ZBTB20: variants seen among roughly 807,000 people sequenced by gnomAD.
ZBTB20 encodes the protein zinc finger and BTB domain containing 20, also known as zinc finger and BTB domain-containing protein 20.
Under a neutral mutation model 56.9 loss-of-function variants are expected in ZBTB20, and 9 were observed. The observed-to-expected ratio is 0.16, with a 90% CI of 0.10 to 0.28. The LOEUF (loss-of-function observed/expected upper bound fraction) is 0.28, where lower values mean the gene tolerates loss of function less well. ZBTB20 is among the 10% of genes least tolerant of loss of function. The pLI, the probability that ZBTB20 is intolerant of heterozygous loss-of-function variation, is 1.00. For missense variants in ZBTB20, 655 were observed against 1,003.0 expected, an observed-to-expected ratio of 0.65 and a Z score of 4.69; for synonymous variants, 417 against 420.7, an observed-to-expected ratio of 0.99 and a Z score of 0.11.
intron 1 of ZBTB20, among the ~76,000 whole-genome samples, chr3:115,099,343 A>G (rs1357179854): frequency 6.6e-6 from 1 of 152,194 alleles, no homozygotes; most frequent in Non-Finnish European, 1.5e-5. Flanking sequence ...CTCCCCAAGC[A>G]TAAATAAACA....
intron 2 of ZBTB20, among the ~76,000 whole-genome samples, chr3:115,005,813 C>T (rs375734714): frequency 2.3e-4 from 35 of 151,858 alleles, no homozygotes; most frequent in African/African-American, 8.0e-4. Flanking sequence ...AATTCCAATC[C>T]ATTCTGCACC....
rs575303830 is a variant in ZBTB20, at chr3:114,790,581, A to C, written c.-343+10520T>G. ...ATATGCATGTAGTCCAATTCAAGAA[A>C]TCAGTATACTTTTTTTTTTTTTTTT... On this transcript the variant is annotated intron_variant, in intron 5 of 11. Coordinates refer to ENST00000675478, the MANE Select transcript of ZBTB20 (RefSeq NM_001348800.3). 3.7e-4 allele frequency among the ~76,000 whole-genome samples: 57 copies of C among 152,058 alleles called. 1 individual carries two copies. In the South Asian group the frequency reaches 0.012, roughly 31 times the overall value.
chr3:115,025,522 T>G (rs914659120), intron 2 of ZBTB20, among the ~76,000 whole-genome samples: 2 of 151,104 alleles, frequency 1.3e-5, no homozygotes, highest in Non-Finnish European at 3.0e-5. Context: ...GTTGGAAAAG[T>G]ATGATTCCCA....
At chr3:115,000,647 C>T (rs1368422473) in intron 2 of ZBTB20, among the ~76,000 whole-genome samples, 1 of 151,582 alleles carries the variant, frequency 6.6e-6, no homozygotes, top group African/African-American at 2.4e-5. Context: ...GAGAACTTAA[C>T]ACTTTGAAAA....
At chr3:114,671,489 G>A (rs2061356434) in intron 6 of ZBTB20, among the ~76,000 whole-genome samples, 1 of 152,012 alleles carries the variant, frequency 6.6e-6, no homozygotes, top group Non-Finnish European at 1.5e-5. Flanking sequence ...CTGATGCTGA[G>A]AAAGATACAA....
At chr3:114,511,122 C>G in intron 6 of ZBTB20, among the ~76,000 whole-genome samples, 1 of 148,438 alleles carries the variant, frequency 6.7e-6, no homozygotes, top group Non-Finnish European at 1.5e-5. Context: ...AAAAAGGCAA[C>G]CTTTAAAGTT....
chr3:114,675,326 G>C (rs1055940157), intron 6 of ZBTB20, among the ~76,000 whole-genome samples: 14 of 117,880 alleles, frequency 1.2e-4, no homozygotes, highest in Non-Finnish European at 2.1e-4. Context: ...TAAGGTTACT[G>C]TGTTTTTTTT....
At chr3:114,500,098 A>G (rs889308066) in intron 7 of ZBTB20, among the ~76,000 whole-genome samples, 2 of 152,230 alleles carry the variant, frequency 1.3e-5, no homozygotes, top group African/African-American at 4.8e-5. Context: ...TTTTGCAAAC[A>G]GCAGCTGCAG....
chr3:114,958,064 C>G (rs1303600430), intron 3 of ZBTB20, among the ~76,000 whole-genome samples: 3 of 152,200 alleles, frequency 2.0e-5, no homozygotes, highest in Non-Finnish European at 2.9e-5. Flanking sequence ...TTGAGTGTCT[C>G]TACACAAATA....
chr3:114,645,625 T>C (rs1400203113), intron 6 of ZBTB20, among the ~76,000 whole-genome samples: 3 of 152,176 alleles, frequency 2.0e-5, no homozygotes, highest in African/African-American at 7.2e-5. Context: ...CTATTGGATT[T>C]TTCCCCCAGT....
intron 4 of ZBTB20, among the ~76,000 whole-genome samples, chr3:114,815,597 T>C (rs1397920665): frequency 6.6e-6 from 1 of 152,236 alleles, no homozygotes; most frequent in Non-Finnish European, 1.5e-5. Context: ...AATTTAGTAA[T>C]TGATCAAGTA....
chr3:114,883,780 CAA>C (rs2076486049), intron 4 of ZBTB20, among the ~76,000 whole-genome samples: 1 of 151,990 alleles, frequency 6.6e-6, no homozygotes, highest in Admixed American at 6.6e-5. Context: ...TTAGATACAG[CAA>C]AGTCTGCACT....
At chr3:114,560,475 G>A (rs569172154) in intron 6 of ZBTB20, among the ~76,000 whole-genome samples, 11 of 152,196 alleles carry the variant, frequency 7.2e-5, no homozygotes, top group South Asian at 2.1e-4. Context: ...TAGAGATCAG[G>A]AAAGTCAGAT....
intron 2 of ZBTB20, among the ~76,000 whole-genome samples, chr3:114,980,099 A>T (rs1183350927): frequency 1.3e-5 from 2 of 152,056 alleles, no homozygotes; most frequent in African/African-American, 4.8e-5. Context: ...CTAAAATACA[A>T]TCAATTTTTT....
chr3:114,649,601 G>C (rs1192018205), intron 6 of ZBTB20, among the ~76,000 whole-genome samples: 1 of 151,784 alleles, frequency 6.6e-6, no homozygotes, highest in African/African-American at 2.4e-5. Flanking sequence ...TTCAGAGAGA[G>C]AAATTCCACA....
intron 2 of ZBTB20, among the ~76,000 whole-genome samples, chr3:114,999,143 AG>A (rs2079146661): frequency 1.4e-5 from 2 of 140,540 alleles, no homozygotes; most frequent in Admixed American, 1.4e-4. Context: ...GAAGGGGGAA[AG>A]GGAGAGGGAG....
chr3:114,998,536 C>T lies in ZBTB20; in HGVS notation c.-506-24120G>A, dbSNP rs186914035. ...GGTGCATAACTGAAGAAAGAAGAGG[C>T]ATTAGAATATTATTTCAATAACTAA... is the stretch of plus-strand genomic sequence containing the variant. On this transcript the variant is annotated intron_variant, in intron 2 of 11. Transcript: ENST00000675478. Among the ~76,000 whole-genome samples the T allele has an allele frequency of 2.6e-5, 4 of 151,734 alleles. No individual in the cohort carries two copies. In the East Asian group the frequency reaches 5.9e-4, roughly 22 times the overall value.
chr3:115,031,583 T>C (rs1305591036), intron 2 of ZBTB20, among the ~76,000 whole-genome samples: 4 of 151,478 alleles, frequency 2.6e-5, no homozygotes, highest in Non-Finnish European at 5.9e-5. Context: ...AGGAAAGTCA[T>C]CTTTTTCTCC....
chr3:114,762,726 G>T (rs755356511), intron 5 of ZBTB20, among the ~76,000 whole-genome samples: 2 of 152,170 alleles, frequency 1.3e-5, no homozygotes, highest in East Asian at 3.9e-4. Context: ...AAGCCAGGGC[G>T]TTCTAGAATC....
Sources: gnomAD v4.1 joint callset for allele counts (sites outside exome capture counted in the v4.1 genomes callset) on GRCh38, gnomAD v4.1.1 for gene constraint, MANE v1.5 for transcripts, NCBI Gene and HGNC (gene_info 2026-07-23, HGNC 2026-07-21) for gene names.